EIF4G3: variants seen among roughly 807,000 people sequenced by gnomAD.
The protein encoded by EIF4G3 is eIF-4-gamma 3.
A neutral mutation model predicts 186.4 loss-of-function variants in EIF4G3; 34 were observed. The observed-to-expected ratio is 0.18, with a 90% CI of 0.14 to 0.24. The LOEUF is 0.24. Ranked by LOEUF, EIF4G3 falls within the 10% of genes least tolerant of loss-of-function variation. EIF4G3 has a pLI of 1.00. For missense variants in EIF4G3, 1,536 were observed against 1,948.5 expected, an observed-to-expected ratio of 0.79 and a Z score of 3.99; for synonymous variants, 673 against 679.5, an observed-to-expected ratio of 0.99 and a Z score of 0.15.
At chr1:20,828,029 G>GTTTTT (rs67354523) in intron 31 of EIF4G3, among the ~76,000 whole-genome samples, 8 of 127,406 alleles carry the variant, frequency 6.3e-5, no homozygotes, top group Non-Finnish European at 8.3e-5. Flanking sequence ...CTTTTATAAA[G>GTTTTT]TTTTTTTTTT....
chr1:20,875,168 G>C (rs2080396826), intron 20 of EIF4G3, among the ~76,000 whole-genome samples: 1 of 152,052 alleles, frequency 6.6e-6, no homozygotes, highest in African/African-American at 2.4e-5. Flanking sequence ...TTTATTTGTA[G>C]AGTCAGAGTC....
At chr1:20,943,916 G>A (rs2095814415) in intron 13 of EIF4G3, among the ~76,000 whole-genome samples, 2 of 147,652 alleles carry the variant, frequency 1.4e-5, no homozygotes, top group Admixed American at 1.4e-4. Context: ...AAATCCCTCA[G>A]ACTAAGTTGA....
chr1:21,157,348 GT>G (rs1298692280), intron 2 of EIF4G3, among the ~76,000 whole-genome samples: 3 of 151,692 alleles, frequency 2.0e-5, no homozygotes, highest in African/African-American at 7.3e-5. Context: ...TGAGAGTACT[GT>G]TTTTTTCTTG....
chr1:21,151,287 G>A (rs1284489107), intron 2 of EIF4G3, among the ~76,000 whole-genome samples: 2 of 107,962 alleles, frequency 1.9e-5, no homozygotes, highest in African/African-American at 3.5e-5. Context: ...CACCCAGGCT[G>A]GAGTGCAGTG....
At chr1:21,028,924 T>C (rs1253537309) in intron 4 of EIF4G3, among the ~76,000 whole-genome samples, 1 of 152,242 alleles carries the variant, frequency 6.6e-6, no homozygotes, top group East Asian at 1.9e-4. Flanking sequence ...GTCTTGCTGT[T>C]GCCCAAGCGG....
intron 4 of EIF4G3, among the ~76,000 whole-genome samples, chr1:21,018,431 A>G (rs974374293): frequency 6.6e-6 from 1 of 151,752 alleles, no homozygotes; most frequent in Non-Finnish European, 1.5e-5. Flanking sequence ...ATGGTGGTGG[A>G]TGCCTGTAAT....
chr1:20,938,691 T>C (rs1457826883), intron 14 of EIF4G3, among the ~76,000 whole-genome samples: 1 of 152,218 alleles, frequency 6.6e-6, no homozygotes, highest in African/African-American at 2.4e-5. Flanking sequence ...TATGACCACG[T>C]CAGGTGGATA....
At chr1:20,927,045 AC>A (rs1416595978) in intron 14 of EIF4G3, among the ~76,000 whole-genome samples, 3 of 150,516 alleles carry the variant, frequency 2.0e-5, no homozygotes, top group African/African-American at 4.9e-5. Context: ...TGAAAAAAAT[AC>A]TTTTTTTTTT....
At chr1:21,092,975 T>C (rs2096251761) in intron 2 of EIF4G3, among the ~76,000 whole-genome samples, 1 of 152,138 alleles carries the variant, frequency 6.6e-6, no homozygotes, top group South Asian at 2.1e-4. Flanking sequence ...ACTTAAATGT[T>C]AGATCTAAAA....
At chr1:20,899,261 C>T (rs1158680456) in intron 16 of EIF4G3, among the ~76,000 whole-genome samples, 1 of 152,182 alleles carries the variant, frequency 6.6e-6, no homozygotes, top group East Asian at 1.9e-4. Flanking sequence ...ACTTCCCATA[C>T]TGCAGGTACT....
rs527491338 is a variant in EIF4G3 at position 21,026,447 on chromosome 1, A to C, written c.-66-23639T>G. Reference sequence around the variant, plus strand: ...GCTAAAAGTAAAAAAATCTGAGAAGAAATCAGAGAGAAAACGCTCTGAAAC... The same window carrying C: ...GCTAAAAGTAAAAAAATCTGAGAAGCAATCAGAGAGAAAACGCTCTGAAAC... On this transcript the variant is annotated intron_variant, in intron 4 of 36. Coordinates refer to ENST00000602326, the MANE Select transcript of EIF4G3 (RefSeq NM_001391906.1). 5.3e-5 allele frequency among the ~76,000 whole-genome samples: 8 copies of C among 152,252 alleles called. No homozygotes were observed. The South Asian group carries it at 1.5e-3, about 28-fold the overall frequency.
chr1:20,909,066 C>T lies in EIF4G3; in HGVS notation c.1664-4095G>A, dbSNP rs181898567. ...ACTCGGGAGGCTGAGGCAGGAGAAT[C>T]GCTTGAACCTGGGAGATGGAGGTTG... On this transcript the variant is annotated intron_variant, in intron 14 of 36. Transcript: ENST00000602326. Among the ~76,000 whole-genome samples the T allele has an allele frequency of 4.1e-4, 63 of 151,968 alleles. 1 individual carries two copies. In the East Asian group the frequency reaches 0.012, roughly 28 times the overall value.
chr1:20,982,599 T>C (rs1357161539), intron 7 of EIF4G3, among the ~76,000 whole-genome samples, 191 bp from the exon 8 acceptor site: 4 of 152,170 alleles, frequency 2.6e-5, no homozygotes, highest in Admixed American at 6.5e-5. Context: ...TAACCACACA[T>C]AGAATCAAAG....
intron 34 of EIF4G3, among the ~76,000 whole-genome samples, chr1:20,813,846 CA>C (rs935205873): frequency 2.7e-5 from 4 of 148,068 alleles, no homozygotes; most frequent in African/African-American, 1.0e-4. Flanking sequence ...AACTCCATCT[CA>C]AAACAAAAAA....
At chr1:21,049,266 A>G (rs1264856227) in intron 4 of EIF4G3, among the ~76,000 whole-genome samples, 1 of 152,238 alleles carries the variant, frequency 6.6e-6, no homozygotes, top group Middle Eastern at 3.2e-3. Flanking sequence ...CTTCTACCAC[A>G]GCCTTTGGCT....
At chr1:20,833,304 T>C (rs2065834254) in intron 30 of EIF4G3, among the ~76,000 whole-genome samples, 1 of 152,064 alleles carries the variant, frequency 6.6e-6, no homozygotes, top group African/African-American at 2.4e-5. Flanking sequence ...TGGTTTGTAG[T>C]TCTCCTTGAA....
chr1:21,042,446 TTTA>T (rs1202779171), intron 4 of EIF4G3, among the ~76,000 whole-genome samples: 1 of 152,224 alleles, frequency 6.6e-6, no homozygotes, highest in Non-Finnish European at 1.5e-5. Flanking sequence ...TTATTGACTT[TTTA>T]TTGATTGCTG....
At chr1:20,857,061 G>A (rs1277301351) in intron 25 of EIF4G3, among the ~76,000 whole-genome samples, 2 of 151,494 alleles carry the variant, frequency 1.3e-5, no homozygotes, top group Non-Finnish European at 2.9e-5. Context: ...TACTTGGGAG[G>A]CTGAGGCATG....
At chr1:20,937,213 C>G (rs1014101250) in intron 14 of EIF4G3, among the ~76,000 whole-genome samples, 3 of 152,088 alleles carry the variant, frequency 2.0e-5, no homozygotes, top group African/African-American at 4.8e-5. Context: ...ACCACTGAAC[C>G]AACACAGTGA....
Sources: gnomAD v4.1 joint callset for allele counts (sites outside exome capture counted in the v4.1 genomes callset) on GRCh38, gnomAD v4.1.1 for gene constraint, MANE v1.5 for transcripts, NCBI Gene and HGNC (gene_info 2026-07-23, HGNC 2026-07-21) for gene names.